TMEM135: variants seen among roughly 807,000 people sequenced by gnomAD.
TMEM135 encodes peroxisomal membrane protein 52.
In TMEM135, 30 loss-of-function variants were observed where a neutral mutation model predicts 60.3. The ratio of observed to expected loss-of-function variants is 0.50; its 90% confidence interval spans 0.37 to 0.68. The LOEUF is 0.68. Ranked by LOEUF, TMEM135 falls within the 30% of genes least tolerant of loss-of-function variation. TMEM135 has a pLI of 0.00. For synonymous variants in TMEM135, 190 were observed against 186.7 expected (o/e 1.02, Z -0.14); for missense variants, 468 against 548.8 (o/e 0.85, Z 1.47).
intron 6 of TMEM135, among the ~76,000 whole-genome samples, chr11:87,261,402 T>C (rs1464324707): frequency 6.6e-6 from 1 of 152,230 alleles, no homozygotes; most frequent in Middle Eastern, 3.2e-3. Flanking sequence ...TAGAGACTTT[T>C]CTTATCCAAA....
At position 87,323,431 on chromosome 11, in the gene TMEM135, A is replaced by T. The variant is rs1352699233; in HGVS notation, c.*2098A>T. The T allele has an allele frequency of 2.2e-6, 1 of 454,028 alleles. No homozygotes were observed. The highest frequency in any genetic ancestry group is 6.9e-5 in the East Asian group (1 of 14,394). The allele number at this position is 454,028 out of a possible 1,614,324, so 28.1% of individuals were successfully genotyped here. On this transcript the variant is annotated 3_prime_UTR_variant, in exon 15 of 15. Transcript: ENST00000305494. ...ACAAAGAAACTTTGTGTTTTTGAAGACAATCAGAATGATTACCTTTCTACC... is the reference window on the plus strand; with the variant it reads ...ACAAAGAAACTTTGTGTTTTTGAAGTCAATCAGAATGATTACCTTTCTACC...
At chr11:87,075,740 T>C (rs1275617983) in intron 3 of TMEM135, among the ~76,000 whole-genome samples, 1 of 152,242 alleles carries the variant, frequency 6.6e-6, no homozygotes, top group Non-Finnish European at 1.5e-5. Context: ...GGTTCAACAA[T>C]TGGGTCCCAA....
chr11:87,162,098 G>T (rs767956742), intron 5 of TMEM135, among the ~76,000 whole-genome samples: 1 of 151,914 alleles, frequency 6.6e-6, no homozygotes, highest in Non-Finnish European at 1.5e-5. Context: ...GCAAGTATAT[G>T]GATTAAAAGC....
intron 4 of TMEM135, among the ~76,000 whole-genome samples, chr11:87,101,104 A>G (rs1338713398): frequency 1.3e-5 from 2 of 152,184 alleles, no homozygotes; most frequent in Non-Finnish European, 2.9e-5. Flanking sequence ...AAATGTTGAT[A>G]GTGAATTAGT....
At position 87,100,114 on chromosome 11, in the gene TMEM135, A is replaced by C. The variant is rs117603046; in HGVS notation, c.396+8719A>C. Among the ~76,000 whole-genome samples the C allele has an allele frequency of 3.0e-3, 451 of 152,226 alleles. 10 individuals are homozygous for C. In the East Asian group the frequency reaches 0.066, roughly 22 times the overall value. On this transcript the variant is annotated intron_variant, in intron 4 of 14. Coordinates refer to ENST00000305494, the MANE Select transcript of TMEM135 (RefSeq NM_022918.4). ...TTTTGAGGGGGTACATTTGTCTGTAAATTTTAGTATTAGAAAAATTTCTGG... is the reference window on the plus strand; with the variant it reads ...TTTTGAGGGGGTACATTTGTCTGTACATTTTAGTATTAGAAAAATTTCTGG...
intron 3 of TMEM135, among the ~76,000 whole-genome samples, chr11:87,088,035 GT>G (rs1857133602): frequency 6.6e-6 from 1 of 152,124 alleles, no homozygotes. Context: ...ACCACACCTG[GT>G]TCAGATGAGA....
At chr11:87,110,351 T>C (rs1335353837) in intron 4 of TMEM135, among the ~76,000 whole-genome samples, 2 of 152,244 alleles carry the variant, frequency 1.3e-5, no homozygotes, top group African/African-American at 4.8e-5. Context: ...TAGACCTAGC[T>C]ACTTGGGAGG....
intron 4 of TMEM135, among the ~76,000 whole-genome samples, chr11:87,151,007 A>G (rs1938543081): frequency 6.6e-6 from 1 of 152,116 alleles, no homozygotes; most frequent in Admixed American, 6.5e-5. Context: ...TTACCTTCCA[A>G]ATTTTAAGGC....
chr11:87,215,409 T>G (rs1940479794), intron 5 of TMEM135, among the ~76,000 whole-genome samples: 1 of 152,202 alleles, frequency 6.6e-6, no homozygotes, highest in South Asian at 2.1e-4. Context: ...CTGGTATCTC[T>G]TGGGATTAGT....
At chr11:87,232,427 A>G (rs1046540443) in intron 5 of TMEM135, among the ~76,000 whole-genome samples, 1 of 152,158 alleles carries the variant, frequency 6.6e-6, no homozygotes, top group Admixed American at 6.6e-5. Context: ...CACAGATCCA[A>G]GTAGCCTAAT....
chr11:87,305,984 T>A lies in TMEM135; in HGVS notation c.747T>A (p.Asn249Lys). 3 of 1,601,678 alleles carry A rather than the reference T, an allele frequency of 1.9e-6. No homozygotes were observed. Among genetic ancestry groups the A allele is most frequent in the South Asian group, 1.1e-5 (1 of 88,802 alleles). The change falls in exon 9 of 15, where the codon AAT (asparagine) becomes AAA (lysine). Residue 249 changes from asparagine (N) to lysine (K), a missense_variant. Transcript: ENST00000305494. Reference protein sequence around the residue: ...RHRCCKHYEDNCISYCIKGFI... With the variant: ...RHRCCKHYEDKCISYCIKGFI... ...GATGTTGCAAACATTATGAAGATAA[T>A]TGCATCTCTTATTGCATTAAAGTAA... is the stretch of plus-strand genomic sequence containing the variant.
intron 3 of TMEM135, among the ~76,000 whole-genome samples, chr11:87,076,696 T>C (rs1294546752): frequency 6.6e-6 from 1 of 152,206 alleles, no homozygotes; most frequent in East Asian, 1.9e-4. Context: ...GGCATACTCC[T>C]TGGGTATCGC....
At chr11:87,275,486 A>C (rs1438432468) in intron 6 of TMEM135, among the ~76,000 whole-genome samples, 3 of 152,138 alleles carry the variant, frequency 2.0e-5, no homozygotes, top group Non-Finnish European at 2.9e-5. Context: ...AAAATTAAAA[A>C]AAAAATAACC....
chr11:87,106,651 A>C (rs1857604165), intron 4 of TMEM135, among the ~76,000 whole-genome samples: 1 of 151,990 alleles, frequency 6.6e-6, no homozygotes, highest in Admixed American at 6.6e-5. Flanking sequence ...TTTTTCTGTA[A>C]GTGTTTATTA....
At chr11:87,280,722 C>A (rs1273892947) in intron 6 of TMEM135, among the ~76,000 whole-genome samples, 1 of 152,102 alleles carries the variant, frequency 6.6e-6, no homozygotes, top group Non-Finnish European at 1.5e-5. Context: ...TTCCTGAAGC[C>A]ATCGGCAATG....
intron 6 of TMEM135, among the ~76,000 whole-genome samples, chr11:87,272,095 C>G (rs1941878260): frequency 7.1e-6 from 1 of 141,136 alleles, no homozygotes; most frequent in Admixed American, 7.2e-5. Context: ...TCTCTGTCAC[C>G]CAGGCTGGAG....
intron 6 of TMEM135, among the ~76,000 whole-genome samples, chr11:87,286,206 C>G (rs979248316): frequency 2.6e-4 from 40 of 151,616 alleles, no homozygotes; most frequent in Admixed American, 1.3e-4. Flanking sequence ...AAACCTTGAG[C>G]TAGACACAGG....
chr11:87,057,116 A>G (rs1296161760), intron 1 of TMEM135, among the ~76,000 whole-genome samples: 2 of 152,180 alleles, frequency 1.3e-5, no homozygotes, highest in African/African-American at 4.8e-5. Context: ...CATGGGTATA[A>G]TATACGCAGG....
Position 87,327,913 on chromosome 11 carries a change from C to T in TMEM135, c.*6580C>T, listed in dbSNP as rs1942937668. The T allele has an allele frequency of 2.2e-6, 1 of 453,878 alleles. No individual in the cohort carries two copies. Among genetic ancestry groups the T allele is most frequent in the East Asian group, 6.9e-5 (1 of 14,400 alleles). 28.1% of individuals were successfully genotyped at this position (453,878 alleles called of 1,614,324 possible). A position where few individuals can be genotyped will look rare whatever the true frequency, so the allele number is the denominator to read the frequency against. On this transcript the variant is annotated 3_prime_UTR_variant, in exon 15 of 15. Transcript: ENST00000305494. The stretch of plus-strand genomic sequence containing the variant: ...TCTCCTTTCTTCTGTTTTTATTCTA[C>T]CCAGGCCTCCAGTGGATTGGAGGTG...
Sources: allele counts gnomAD v4.1 joint callset (sites outside exome capture counted in the v4.1 genomes callset), GRCh38; gene constraint gnomAD v4.1.1; transcripts MANE v1.5; gene names NCBI Gene and HGNC (gene_info 2026-07-23, HGNC 2026-07-21).